BEND2: variants seen among roughly 807,000 people sequenced by gnomAD.
The protein encoded by BEND2 is BEN domain containing 2.
BEND2 carries 19 observed loss-of-function variants against 43.8 expected under a neutral mutation model. The ratio of observed to expected loss-of-function variants is 0.43; its 90% CI spans 0.30 to 0.64. The LOEUF (loss-of-function observed/expected upper bound fraction) is 0.64. Among genes scored for constraint, BEND2 ranks in the 30% least tolerant of loss-of-function variants. BEND2 has a pLI of 0.11. For synonymous variants in BEND2, 226 were observed against 210.1 expected, an observed-to-expected ratio of 1.08 and a Z score of -0.66; for missense variants, 544 against 574.0, an observed-to-expected ratio of 0.95 and a Z score of 0.53.
At position 18,214,286 on chromosome X, in the gene BEND2, C is replaced by T. The variant is rs188458271; in HGVS notation, c.239-375G>A. Among the ~76,000 whole-genome samples, 259 of 110,969 alleles carry T rather than the reference C, an allele frequency of 2.3e-3. 2 individuals carry two copies. Among genetic ancestry groups the T allele is most frequent in the Non-Finnish European group, 3.2e-3 (169 of 52,976 alleles). ...ATGCCAGATATAAAAGAGAGTATAG[C>T]ATATGATTCAATTGGTATAAAACTC... On this transcript the variant is annotated intron_variant, in intron 2 of 13. Coordinates refer to ENST00000380033, the MANE Select transcript of BEND2 (RefSeq NM_153346.5).
In BEND2 at chrX:18,171,176, T is replaced by C; in HGVS notation, c.2010A>G (p.Ile670Met). Residue 670 changes from isoleucine (I) to methionine (M), a missense_variant, in exon 13 of 14, where the codon ATA becomes ATG. Ile to Met is a conservative substitution (Grantham distance 10, BLOSUM62 1). This residue lies in a region of BEND2 where 501 missense variants were observed against 501.6 expected (regional missense o/e 1.00). Coordinates refer to ENST00000380033, the MANE Select transcript of BEND2 (RefSeq NM_153346.5). Reference sequence around the variant, plus strand: ...AAGTCAGTACTGAACATGGCATCCGTATATTTCTCCATGGTCTTCCAAAAT... The same window carrying C: ...AAGTCAGTACTGAACATGGCATCCGCATATTTCTCCATGGTCTTCCAAAAT... ...WSYFGRPWRN[I>M]RMPCSVLTLA... is the part of the protein sequence containing the mutation. 8.3e-7 allele frequency: 1 copy of C among 1,209,372 alleles called. No homozygotes were observed. The highest frequency in any genetic ancestry group is 1.7e-5 in the African/African-American group (1 of 57,901).
intron 8 of BEND2, among the ~76,000 whole-genome samples, chrX:18,182,477 T>C (rs1924416263): frequency 9.1e-6 from 1 of 109,995 alleles, no homozygotes; most frequent in Non-Finnish European, 1.9e-5. Context: ...CAAATATTAA[T>C]CCAAAAAAAA....
At chrX:18,214,810 CAAAAAAAAAAAAAAAAAA>C (rs58814498) in intron 2 of BEND2, among the ~76,000 whole-genome samples, 1 of 35,450 alleles carries the variant, frequency 2.8e-5, no homozygotes, top group Non-Finnish European at 4.5e-5. Flanking sequence ...GACTCTGTCT[CAAAAAAAAAAAAAAAAAA>C]AAAAAAAGAA....
At position 18,174,162 on chromosome X, in the gene BEND2, A is replaced by T. The variant is rs777476832; in HGVS notation, c.1849T>A (p.Ser617Thr). 5.8e-6 allele frequency: 7 copies of T among 1,211,461 alleles called. No individual in the cohort carries two copies. The highest frequency in any genetic ancestry group is 7.8e-6 in the Non-Finnish European group (7 of 895,083). Reference sequence around the variant, plus strand: ...TTATTCATTGGCTGAAACATCCAAGAACAGCCTTCACCACCATCTCTGCCC... The same window carrying T: ...TTATTCATTGGCTGAAACATCCAAGTACAGCCTTCACCACCATCTCTGCCC... The part of the protein sequence containing the change: ...QRGRDGGEGC[S>T]WMFQPMNNSK... Residue 617 changes from serine to threonine, a missense_variant, in exon 12 of 14, where the codon TCT (serine) becomes ACT (threonine). Around this residue, in one of 2 missense-constraint regions of BEND2, gnomAD observed 501 missense variants for 501.6 expected, o/e 1.00. Coordinates refer to ENST00000380033, the MANE Select transcript of BEND2 (RefSeq NM_153346.5).
intron 8 of BEND2, among the ~76,000 whole-genome samples, chrX:18,190,766 TCACACA>T (rs1300015009): frequency 1.1e-5 from 1 of 93,007 alleles, no homozygotes; most frequent in African/African-American, 3.9e-5. Context: ...TCTCTCTCTC[TCACACA>T]CACACACACA....
Position 18,203,917 on chromosome X carries a change from T to C in BEND2, c.493-2A>G. On this transcript the variant is annotated splice_acceptor_variant, in intron 4 of 13. Transcript: ENST00000380033. LOFTEE classifies it high-confidence loss of function. ...TGGTGGTGATATGCTAGACTGTACCTATCCAGGGTAAGAGAACAGAATGAG... is the reference window on the plus strand; with the variant it reads ...TGGTGGTGATATGCTAGACTGTACCCATCCAGGGTAAGAGAACAGAATGAG... 8.5e-7 allele frequency: 1 copy of C among 1,176,915 alleles called. No homozygotes were observed. The highest frequency in any genetic ancestry group is 1.1e-6 in the Non-Finnish European group (1 of 872,879).
At chrX:18,190,867 G>A (rs1320737010) in intron 8 of BEND2, 134 bp downstream of exon 8, 14 of 470,256 alleles carry the variant, frequency 3.0e-5, no homozygotes, top group Non-Finnish European at 4.6e-5. Flanking sequence ...CAAAATCCTA[G>A]TTGTGATATT....
intron 8 of BEND2, among the ~76,000 whole-genome samples, chrX:18,185,969 C>T (rs1437027878): frequency 9.0e-6 from 1 of 111,506 alleles, no homozygotes; most frequent in Non-Finnish European, 1.9e-5. Context: ...ATAAGAAATG[C>T]TAAAGAGACT....
chrX:18,193,979 A>C, intron 7 of BEND2, among the ~76,000 whole-genome samples: 1 of 112,095 alleles, frequency 8.9e-6, no homozygotes, highest in Non-Finnish European at 1.9e-5. Flanking sequence ...GGAAAATAAA[A>C]ACATCCTCAC....
rs779411629 is a variant in BEND2, at chrX:18,177,700, G to T, written c.1499C>A (p.Ala500Asp). Residue 500 changes from alanine to aspartate, a missense_variant, in exon 10 of 14, where the codon GCC becomes GAC. Physicochemically the swap from Ala to Asp is moderately radical, Grantham distance 126. Transcript: ENST00000380033. ...KIHLLAVQNM[A>D]KPKQAACYLV... ...GTAGCAGGCTGCTTGCTTAGGTTTG[G>T]CCATATTTTGTACGGCCAGCAAATG... 1.1e-5 allele frequency: 13 copies of T among 1,208,432 alleles called. No homozygotes were observed. The highest frequency in any genetic ancestry group is 2.2e-5 in the Admixed American group (1 of 45,629).
intron 2 of BEND2, among the ~76,000 whole-genome samples, chrX:18,216,161 A>C (rs1925667028): frequency 9.0e-6 from 1 of 111,274 alleles, no homozygotes; most frequent in Non-Finnish European, 1.9e-5. Context: ...TAATCATGCC[A>C]CCTGCTCCAT....
intron 6 of BEND2, among the ~76,000 whole-genome samples, chrX:18,200,122 A>G (rs1267430765): frequency 9.1e-6 from 1 of 110,328 alleles, no homozygotes; most frequent in Non-Finnish European, 1.9e-5. Context: ...CAAAAACTGG[A>G]AAAAAAAACA....
In BEND2 at chrX:18,190,764, T is replaced by A. The variant is rs73636675; in HGVS notation, c.1288+237A>T. On this transcript the variant is annotated intron_variant, in intron 8 of 13. Coordinates refer to ENST00000380033, the MANE Select transcript of BEND2 (RefSeq NM_153346.5). ...TACTCTCTCTCTCTCTCTCTCTCTC[T>A]CTCACACACACACACACACACACAC... is the stretch of plus-strand genomic sequence containing the variant. Among the ~76,000 whole-genome samples the A allele has an allele frequency of 0.014, 1,259 of 88,782 alleles. 17 individuals carry two copies. Among genetic ancestry groups the A allele is most frequent in the African/African-American group, 0.05 (1,070 of 21,551 alleles). 77.1% of individuals were successfully genotyped at this position (88,782 alleles called of 115,157 possible).
Position 18,220,832 on chromosome X carries a change from G to A in BEND2, c.-82C>T. The stretch of plus-strand genomic sequence containing the variant: ...CCTACGTCTGCGCCGCGGCTCTGAG[G>A]TAACTGCTTGGTAACTGTGTGGTAA... On this transcript the variant is annotated 5_prime_UTR_variant, in exon 1 of 14. Coordinates refer to ENST00000380033, the MANE Select transcript of BEND2 (RefSeq NM_153346.5). 9.7e-7 allele frequency: 1 copy of A among 1,032,843 alleles called. No individual in the cohort carries two copies. Among genetic ancestry groups the A allele is most frequent in the Admixed American group, 2.5e-5 (1 of 40,595 alleles). The allele number at this position is 1,032,843 out of a possible 1,213,427, so 85.1% of individuals were successfully genotyped here.
At chrX:18,192,841 T>C (rs929745044) in intron 7 of BEND2, among the ~76,000 whole-genome samples, 1 of 111,814 alleles carries the variant, frequency 8.9e-6, no homozygotes, top group African/African-American at 3.2e-5. Flanking sequence ...CAGGTGTGGT[T>C]ATTAAAGAGC....
intron 6 of BEND2, among the ~76,000 whole-genome samples, chrX:18,196,673 C>A (rs1294783097): frequency 9.9e-6 from 1 of 100,833 alleles, no homozygotes; most frequent in African/African-American, 3.7e-5. Context: ...CTGTATAAGC[C>A]TTTAGGGAAT....
intron 6 of BEND2, among the ~76,000 whole-genome samples, chrX:18,197,854 T>C (rs1452366535): frequency 1.8e-5 from 2 of 111,161 alleles, no homozygotes; most frequent in African/African-American, 6.5e-5. Flanking sequence ...AACTGAATCA[T>C]GGGGGCCAGT....
At chrX:18,215,699 C>G (rs192056437) in intron 2 of BEND2, among the ~76,000 whole-genome samples, 6 of 112,313 alleles carry the variant, frequency 5.3e-5, no homozygotes, top group Non-Finnish European at 7.5e-5. Flanking sequence ...AAGCAGAGAA[C>G]TTATGGCCTG....
At chrX:18,165,483 C>T (rs1923799722) in intron 13 of BEND2, among the ~76,000 whole-genome samples, 2 of 111,685 alleles carry the variant, frequency 1.8e-5, no homozygotes, top group African/African-American at 3.3e-5. Flanking sequence ...AATAGAAATC[C>T]TCTGCTGCCT....
Sources: allele counts gnomAD v4.1 joint callset (sites outside exome capture counted in the v4.1 genomes callset), GRCh38; gene constraint gnomAD v4.1.1; regional missense constraint gnomAD v4.1.1; transcripts MANE v1.5; gene names NCBI Gene and HGNC (gene_info 2026-07-23, HGNC 2026-07-21).